Variants in ARHGAP31 observed in about 807,000 individuals in gnomAD.
The protein encoded by ARHGAP31 is rho GTPase-activating protein 31.
A neutral mutation model predicts 113.9 loss-of-function variants in ARHGAP31; 34 were observed. The observed-to-expected ratio is 0.30, with a 90% confidence interval of 0.23 to 0.40. The LOEUF (loss-of-function observed/expected upper bound fraction) is 0.40. Ranked by LOEUF, ARHGAP31 falls within the 10% of genes least tolerant of loss-of-function variation. The pLI is 1.00. For missense variants in ARHGAP31, 1,548 were observed against 1,767.1 expected (o/e 0.88, Z 2.22); for synonymous variants, 650 against 684.8 (o/e 0.95, Z 0.79).
At chr3:119,349,465 A>C (rs10934491) in intron 1 of ARHGAP31, among the ~76,000 whole-genome samples, 46,380 of 152,048 alleles carry the variant, frequency 0.31, 8,195 homozygotes, top group African/African-American at 0.48. Flanking sequence ...GGGACAATTT[A>C]CATCCTGGAC....
intron 3 of ARHGAP31, among the ~76,000 whole-genome samples, chr3:119,378,554 T>C (rs1414334716): frequency 6.6e-6 from 1 of 152,068 alleles, no homozygotes; most frequent in Non-Finnish European, 1.5e-5. Flanking sequence ...GAGGGTGGGG[T>C]TAGTGGTACA....
At chr3:119,326,669 C>T (rs1032246726) in intron 1 of ARHGAP31, among the ~76,000 whole-genome samples, 6 of 152,168 alleles carry the variant, frequency 3.9e-5, no homozygotes, top group African/African-American at 1.4e-4. Context: ...GTGTTCTTCC[C>T]TCTTCAAGAC....
chr3:119,374,194 T>C (rs1450076724), intron 3 of ARHGAP31, among the ~76,000 whole-genome samples: 2 of 152,006 alleles, frequency 1.3e-5, no homozygotes, highest in Non-Finnish European at 2.9e-5. Flanking sequence ...ATCATGGGGG[T>C]TGATCCCTCA....
intron 1 of ARHGAP31, among the ~76,000 whole-genome samples, chr3:119,346,560 T>C (rs1280278998): frequency 6.6e-6 from 1 of 152,250 alleles, no homozygotes; most frequent in Non-Finnish European, 1.5e-5. Flanking sequence ...CTTATAAGTA[T>C]AAGCTACTTC....
Position 119,400,844 on chromosome 3 carries a change from G to A in ARHGAP31, c.1070-978G>A, listed in dbSNP as rs534503970. On this transcript the variant is annotated intron_variant, in intron 9 of 11. Transcript: ENST00000264245. The stretch of plus-strand genomic sequence containing the variant: ...ATCTCCAAGCTTATTTACTTCCCAC[G>A]TAGGCTTTTCTCTTCCTTGCCTTTA... 4.0e-4 allele frequency among the ~76,000 whole-genome samples: 61 copies of A among 152,236 alleles called. No individual in the cohort carries two copies. In the South Asian group the frequency reaches 0.012, roughly 29 times the overall value.
chr3:119,341,018 G>A lies in ARHGAP31; in HGVS notation c.101-24298G>A, dbSNP rs533190658. Reference sequence around the variant, plus strand: ...AGTGTGTGCATGGGAAACATCATGGGATTTTTTTTCTCACCCAGCGGAGCC... The same window carrying A: ...AGTGTGTGCATGGGAAACATCATGGAATTTTTTTTCTCACCCAGCGGAGCC... On this transcript the variant is annotated intron_variant, in intron 1 of 11. Coordinates refer to ENST00000264245, the MANE Select transcript of ARHGAP31 (RefSeq NM_020754.4). Among the ~76,000 whole-genome samples, 12 of 152,250 alleles carry A rather than the reference G, an allele frequency of 7.9e-5. No individual in the cohort carries two copies. In the South Asian group the frequency reaches 1.5e-3, roughly 18 times the overall value.
At chr3:119,302,026 T>C (rs2079588976) in intron 1 of ARHGAP31, among the ~76,000 whole-genome samples, 2 of 152,256 alleles carry the variant, frequency 1.3e-5, no homozygotes, top group Admixed American at 1.3e-4. Context: ...GTGCTTGCTG[T>C]GTATTTAAGC....
Position 119,380,897 on chromosome 3 carries a change from T to G in ARHGAP31, c.349-7T>G, listed in dbSNP as rs200397968. The G allele has an allele frequency of 2.4e-3, 3,793 of 1,613,920 alleles. 7 individuals carry two copies. Among genetic ancestry groups the G allele is most frequent in the Admixed American group, 2.9e-3 (175 of 60,018 alleles). The stretch of plus-strand genomic sequence containing the variant: ...CTCACCAGGCTGCCTTGTGTTCTTC[T>G]CCACAGGAGGCAGTGTCGCATTGCC... On this transcript the variant is annotated splice_polypyrimidine_tract_variant and splice_region_variant and intron_variant, in intron 3 of 11. Coordinates refer to ENST00000264245, the MANE Select transcript of ARHGAP31 (RefSeq NM_020754.4).
intron 1 of ARHGAP31, among the ~76,000 whole-genome samples, chr3:119,317,731 A>C (rs2079746401): frequency 6.6e-6 from 1 of 152,188 alleles, no homozygotes; most frequent in Non-Finnish European, 1.5e-5. Context: ...GGAAGAATGG[A>C]ATTAGAAGCT....
chr3:119,294,685 G>A lies in ARHGAP31; in HGVS notation c.-220G>A. 3.4e-6 allele frequency: 2 copies of A among 591,200 alleles called. No individual in the cohort carries two copies. The highest frequency in any genetic ancestry group is 5.9e-6 in the Non-Finnish European group (2 of 336,666). 36.6% of individuals were successfully genotyped at this position (591,200 alleles called of 1,614,324 possible). On this transcript the variant is annotated 5_prime_UTR_variant, in exon 1 of 12. Transcript: ENST00000264245. ...CGCGGCTGCCAGTCTGCACGGCCTC[G>A]GCACGGCGGCCCCGGAGCGGCGCGG...
rs747038976 is a variant in ARHGAP31 at position 119,368,391 on chromosome 3, C to A, written c.223C>A (p.Gln75Lys). Residue 75 changes from glutamine (Q) to lysine (K), a missense_variant, in exon 3 of 12, where the codon CAA (glutamine) becomes AAA (lysine). Physicochemically the swap from Gln to Lys is moderately conservative, Grantham distance 53. Coordinates refer to ENST00000264245, the MANE Select transcript of ARHGAP31 (RefSeq NM_020754.4). ...TTTCAGGCAAGAGTTTGGCTCAGAT[C>A]AATGTCCAGATCTGACAAGGGAAGT... ...QRLRQEFGSD[Q>K]CPDLTREVYL... 4 of 1,614,078 alleles carry A rather than the reference C, an allele frequency of 2.5e-6. No homozygotes were observed. Among genetic ancestry groups the A allele is most frequent in the Middle Eastern group, 1.6e-4 (1 of 6,082 alleles).
chr3:119,335,017 G>A (rs2070202003), intron 1 of ARHGAP31, among the ~76,000 whole-genome samples: 1 of 152,124 alleles, frequency 6.6e-6, no homozygotes, highest in African/African-American at 2.4e-5. Flanking sequence ...AATTAAAAAT[G>A]AGTTATGCTG....
At chr3:119,406,470 T>C (rs2080663331) in intron 10 of ARHGAP31, among the ~76,000 whole-genome samples, 1 of 152,240 alleles carries the variant, frequency 6.6e-6, no homozygotes, top group Non-Finnish European at 1.5e-5. Flanking sequence ...TTATTTGTAA[T>C]AGCAAAGGAC....
At chr3:119,364,791 C>A (rs763411548) in intron 1 of ARHGAP31, among the ~76,000 whole-genome samples, 14 of 152,012 alleles carry the variant, frequency 9.2e-5, no homozygotes, top group African/African-American at 2.2e-4. Context: ...TTTTTAAATT[C>A]TTTAAAAAAA....
chr3:119,336,915 G>T (rs762180079), intron 1 of ARHGAP31, among the ~76,000 whole-genome samples: 16 of 152,122 alleles, frequency 1.1e-4, no homozygotes, highest in Non-Finnish European at 1.8e-4. Context: ...GAATCATCTG[G>T]CTTTTTGTTT....
rs2080266555 is a variant in ARHGAP31 at position 119,368,251 on chromosome 3, A to C, written c.204-121A>C. The C allele has an allele frequency of 6.1e-6, 8 of 1,304,690 alleles. No homozygotes were observed. In the Admixed American group the frequency reaches 1.5e-4, roughly 24 times the overall value. 80.8% of individuals were successfully genotyped at this position (1,304,690 alleles called of 1,614,324 possible). On this transcript the variant is annotated intron_variant, in intron 2 of 11. Transcript: ENST00000264245. ...TGGAGTAGAAGATCTTTTTGAATTA[A>C]GGTCAAAAATATAGTCAGAATCAGC...
chr3:119,322,321 A>G (rs1276811971), intron 1 of ARHGAP31, among the ~76,000 whole-genome samples: 1 of 152,210 alleles, frequency 6.6e-6, no homozygotes, highest in African/African-American at 2.4e-5. Context: ...TCTTGAATTT[A>G]TCTTAGACAT....
chr3:119,381,964 C>A lies in ARHGAP31; in HGVS notation c.432-328C>A, dbSNP rs540713802. On this transcript the variant is annotated intron_variant, in intron 4 of 11. Coordinates refer to ENST00000264245, the MANE Select transcript of ARHGAP31 (RefSeq NM_020754.4). ...TCGCGCCACTGCACTCCAGCCTGGG[C>A]GACAGAGCGAGACTCCGTCTCAAAA... Among the ~76,000 whole-genome samples, 4 of 132,944 alleles carry A rather than the reference C, an allele frequency of 3.0e-5. No homozygotes were observed. The East Asian group carries it at 6.4e-4, about 21-fold the overall frequency. The allele number at this position is 132,944 out of a possible 152,430, so 87.2% of individuals were successfully genotyped here.
intron 1 of ARHGAP31, among the ~76,000 whole-genome samples, chr3:119,300,864 A>AAGAG (rs1487582342): frequency 6.7e-6 from 1 of 149,244 alleles, no homozygotes; most frequent in Non-Finnish European, 1.5e-5. Flanking sequence ...GAAAGAAAGA[A>AAGAG]AGAAAGAAAG....
Sources: allele counts gnomAD v4.1 joint callset (sites outside exome capture counted in the v4.1 genomes callset), GRCh38; gene constraint gnomAD v4.1.1; transcripts MANE v1.5; gene names NCBI Gene and HGNC (gene_info 2026-07-23, HGNC 2026-07-21).